SEC11A: variants seen among roughly 807,000 people sequenced by gnomAD.
SEC11A encodes the protein SEC11 homolog A, signal peptidase complex subunit, also known as signal peptidase complex catalytic subunit SEC11A.
SEC11A carries 14 observed loss-of-function variants against 25.6 expected under a neutral mutation model. The observed-to-expected ratio is 0.55, with a 90% CI of 0.36 to 0.85. The LOEUF is 0.85. Ranked by LOEUF, SEC11A falls within the 40% of genes least tolerant of loss-of-function variation. SEC11A has a pLI of 0.01. For missense variants in SEC11A, 153 were observed against 222.9 expected, an observed-to-expected ratio of 0.69 and a Z score of 2.00; for synonymous variants, 83 against 76.4, an observed-to-expected ratio of 1.09 and a Z score of -0.45.
intron 3 of SEC11A, among the ~76,000 whole-genome samples, chr15:84,682,733 G>C (rs763487102): frequency 6.6e-6 from 1 of 152,148 alleles, no homozygotes; most frequent in African/African-American, 2.4e-5. Context: ...ACAGGCGTGA[G>C]CCACCGTGCC....
intron 3 of SEC11A, among the ~76,000 whole-genome samples, chr15:84,685,228 A>C (rs1370467106): frequency 6.6e-6 from 1 of 152,104 alleles, no homozygotes; most frequent in Non-Finnish European, 1.5e-5. Flanking sequence ...TTTTAAACTT[A>C]AGTCTATGAC....
At chr15:84,708,722 A>G (rs1019789141) in intron 1 of SEC11A, among the ~76,000 whole-genome samples, 3 of 151,954 alleles carry the variant, frequency 2.0e-5, no homozygotes, top group African/African-American at 7.2e-5. Flanking sequence ...CAGGAGGTTG[A>G]GACTGCAGTG....
At position 84,688,755 on chromosome 15, in the gene SEC11A, G is replaced by A. The variant is rs1053003005; in HGVS notation, c.162-981C>T. 5.3e-5 allele frequency among the ~76,000 whole-genome samples: 8 copies of A among 152,330 alleles called. 1 individual carries two copies. Among genetic ancestry groups the A allele is most frequent in the Admixed American group, 6.5e-5 (1 of 15,300 alleles). On this transcript the variant is annotated intron_variant, in intron 2 of 5. Coordinates refer to ENST00000268220, the MANE Select transcript of SEC11A (RefSeq NM_014300.4). ...GGGACTTTTAAAAAATCTCAGCCAGGTGCGGTGGCTCACACCTGTAATTCC... is the reference window on the plus strand; with the variant it reads ...GGGACTTTTAAAAAATCTCAGCCAGATGCGGTGGCTCACACCTGTAATTCC...
intron 3 of SEC11A, among the ~76,000 whole-genome samples, chr15:84,681,622 T>A (rs1049910914): frequency 6.6e-6 from 1 of 151,698 alleles, no homozygotes; most frequent in Non-Finnish European, 1.5e-5. Flanking sequence ...AGAGCGAGAC[T>A]CCATCCCAAA....
chr15:84,681,993 A>C (rs563018506), intron 3 of SEC11A, among the ~76,000 whole-genome samples: 2 of 152,226 alleles, frequency 1.3e-5, no homozygotes, highest in African/African-American at 4.8e-5. Flanking sequence ...AGGGAGATTG[A>C]GGCTGCGGTG....
intron 1 of SEC11A, among the ~76,000 whole-genome samples, chr15:84,700,883 G>A (rs1471161659): frequency 6.6e-6 from 1 of 150,518 alleles, no homozygotes; most frequent in Non-Finnish European, 1.5e-5. Context: ...GGGAGGCTGA[G>A]GTAGCAGAGT....
At chr15:84,687,542 C>A (rs756971402) in intron 3 of SEC11A, 83 bp downstream of exon 3, 316 of 1,196,592 alleles carry the variant, frequency 2.6e-4, no homozygotes, top group Admixed American at 2.1e-4. Flanking sequence ...CACTGTTTTA[C>A]AATCTTTAGG....
Position 84,691,735 on chromosome 15 carries a change from GTAC to G in SEC11A, c.52-94_52-92del, listed in dbSNP as rs528820059. 284 of 695,564 alleles carry G rather than the reference GTAC, an allele frequency of 4.1e-4. 1 individual carries two copies. The African/African-American group carries it at 4.6e-3, about 11-fold the overall frequency. The allele number at this position is 695,564 out of a possible 1,614,324, so 43.1% of individuals were successfully genotyped here. A position where few individuals can be genotyped will look rare whatever the true frequency, so the allele number is the denominator to read the frequency against. ...AGTAACAATTTGAAAGTTTCAAGCA[GTAC>G]TATTAGGACAACTACAGTTCTGAGA... On this transcript the variant is annotated intron_variant, in intron 1 of 5. Coordinates refer to ENST00000268220, the MANE Select transcript of SEC11A (RefSeq NM_014300.4).
At chr15:84,670,590 G>A in intron 5 of SEC11A, 135 bp downstream of exon 5, 1 of 506,318 alleles carries the variant, frequency 2.0e-6, no homozygotes, top group Non-Finnish European at 3.6e-6. Flanking sequence ...ATGTTGCCCA[G>A]GCTGGTCTTG....
chr15:84,688,375 C>G (rs371559761), intron 2 of SEC11A, among the ~76,000 whole-genome samples: 1 of 152,188 alleles, frequency 6.6e-6, no homozygotes, highest in Non-Finnish European at 1.5e-5. Context: ...CTAAGAATTT[C>G]CGAAGCCAGG....
At chr15:84,679,245 C>T (rs553782226) in intron 4 of SEC11A, 2 of 1,257,476 alleles carry the variant, frequency 1.6e-6, no homozygotes, top group East Asian at 5.6e-5. Context: ...ATCTTGGGAA[C>T]TGAGGAAGAT....
chr15:84,702,366 C>G (rs1171104306), intron 1 of SEC11A, among the ~76,000 whole-genome samples: 6 of 150,700 alleles, frequency 4.0e-5, no homozygotes, highest in Non-Finnish European at 5.9e-5. Flanking sequence ...GAGGCTGAGG[C>G]AGGAGAATCA....
chr15:84,696,141 A>T (rs1897761830), intron 1 of SEC11A, among the ~76,000 whole-genome samples: 1 of 152,204 alleles, frequency 6.6e-6, no homozygotes, highest in Admixed American at 6.5e-5. Flanking sequence ...GCACATGGAT[A>T]ATCTGAAACC....
intron 5 of SEC11A, 189 bp from the exon 6 acceptor site, chr15:84,670,258 CTT>C (rs71132694): frequency 0.028 from 8,150 of 287,460 alleles, no homozygotes; most frequent in Middle Eastern, 0.054. Flanking sequence ...AAATAATTTT[CTT>C]TTTTTTTTTT....
At chr15:84,691,489 C>CA (rs772765290) in intron 2 of SEC11A, 46 bp downstream of exon 2, 1 of 1,048,838 alleles carries the variant, frequency 9.5e-7, no homozygotes, top group African/African-American at 1.6e-5. Context: ...ATTTTTCTCC[C>CA]AAGTAATGCC....
intron 3 of SEC11A, among the ~76,000 whole-genome samples, chr15:84,681,033 T>C (rs1246473714): frequency 6.6e-6 from 1 of 152,162 alleles, no homozygotes; most frequent in Non-Finnish European, 1.5e-5. Context: ...AAAGATCCAA[T>C]ATTAAGGAGC....
intron 4 of SEC11A, among the ~76,000 whole-genome samples, chr15:84,676,497 A>G (rs1170587851): frequency 6.6e-6 from 1 of 150,672 alleles, no homozygotes; most frequent in Admixed American, 6.6e-5. Context: ...AAGGAGGCGG[A>G]GTGCAGTGGC....
intron 1 of SEC11A, 77 bp from the exon 2 acceptor site, chr15:84,691,721 G>C (rs2141896639): frequency 1.2e-6 from 1 of 811,650 alleles, no homozygotes; most frequent in Non-Finnish European, 2.1e-6. Context: ...GTAACAATTT[G>C]AAAGTTTCAA....
chr15:84,694,982 C>T (rs562392454), intron 1 of SEC11A, among the ~76,000 whole-genome samples: 21 of 148,324 alleles, frequency 1.4e-4, no homozygotes, highest in Non-Finnish European at 1.9e-4. Context: ...TCCAGCTACT[C>T]GGGAGGCTGA....
Sources: allele counts gnomAD v4.1 joint callset (sites outside exome capture counted in the v4.1 genomes callset), GRCh38; gene constraint gnomAD v4.1.1; transcripts MANE v1.5; gene names NCBI Gene and HGNC (gene_info 2026-07-23, HGNC 2026-07-21).